Variants in ANKRD28 observed in about 807,000 individuals in gnomAD.
ANKRD28 encodes ankyrin repeat domain 28.
In ANKRD28, 44 loss-of-function variants were observed where a neutral mutation model predicts 126.5. The ratio of observed to expected loss-of-function variants is 0.35; its 90% CI spans 0.27 to 0.45. The LOEUF (loss-of-function observed/expected upper bound fraction) is 0.45, where lower values mean the gene tolerates loss of function less well. Ranked by LOEUF, ANKRD28 falls within the 20% of genes least tolerant of loss-of-function variation. ANKRD28 has a pLI of 1.00. For missense variants in ANKRD28, 1,110 were observed against 1,316.6 expected (o/e 0.84, Z 2.43); for synonymous variants, 442 against 468.5 (o/e 0.94, Z 0.73).
At chr3:15,856,739 T>A (rs1357771190) in intron 1 of ANKRD28, among the ~76,000 whole-genome samples, 1 of 152,228 alleles carries the variant, frequency 6.6e-6, no homozygotes, top group African/African-American at 2.4e-5. Flanking sequence ...CAAATTGCTT[T>A]ACTTACTGAT....
intron 6 of ANKRD28, among the ~76,000 whole-genome samples, chr3:15,731,314 GT>G (rs200925654): frequency 0.016 from 2,504 of 152,258 alleles, 62 homozygotes; most frequent in African/African-American, 0.057. Flanking sequence ...GAAAACAGTT[GT>G]TTAGTCAAGC....
chr3:15,698,775 T>A (rs2070075502), intron 14 of ANKRD28, among the ~76,000 whole-genome samples: 1 of 152,166 alleles, frequency 6.6e-6, no homozygotes, highest in Admixed American at 6.5e-5. Context: ...TCCATGCTCA[T>A]GGACAGGAAG....
Position 15,731,884 on chromosome 3 carries a change from G to GGT in ANKRD28, c.640+3524_640+3525dup, listed in dbSNP as rs1553610862. ...AAAAAAAAAAAAAAAAGGGGGGGGG[G>GGT]GTGTGTGGGGAGGGGACATTTGAAA... On this transcript the variant is annotated intron_variant, in intron 6 of 27. Transcript: ENST00000683139. 109 of 109,140 alleles carry GGT rather than the reference G, an allele frequency of 1.0e-3. 2 individuals are homozygous for GGT. Among genetic ancestry groups the GGT allele is most frequent in the African/African-American group, 4.3e-3 (97 of 22,414 alleles). The allele number at this position is 109,140 out of a possible 1,614,324, so 6.8% of individuals were successfully genotyped here. A position where few individuals can be genotyped will look rare whatever the true frequency, so the allele number is the denominator to read the frequency against.
At chr3:15,850,651 T>C (rs993821542) in intron 1 of ANKRD28, among the ~76,000 whole-genome samples, 3 of 152,230 alleles carry the variant, frequency 2.0e-5, no homozygotes, top group Non-Finnish European at 4.4e-5. Flanking sequence ...CGGAGATTCC[T>C]GGACAGTGGC....
rs760768409 is a variant in ANKRD28 at position 15,830,536 on chromosome 3, G to C, written c.27+28841C>G. On this transcript the variant is annotated intron_variant, in intron 1 of 27. Transcript: ENST00000399451. This position sits in a 1 kb window ranked among gnomAD's most constrained non-coding sequence, Gnocchi z 4.5. ...TACAACACTCTAACTAATGCCTGAT[G>C]ATCTGAGGTGGAACAGTTTCATCTC... 2.0e-5 allele frequency among the ~76,000 whole-genome samples: 3 copies of C among 152,120 alleles called. No homozygotes were observed. The highest frequency in any genetic ancestry group is 4.4e-5 in the Non-Finnish European group (3 of 68,026).
chr3:15,788,297 T>G (rs978700723), intron 2 of ANKRD28, among the ~76,000 whole-genome samples: 4 of 152,162 alleles, frequency 2.6e-5, no homozygotes, highest in African/African-American at 9.7e-5. Context: ...ATAACTATTT[T>G]AGAGAGAAAC....
upstream of ANKRD28, among the ~76,000 whole-genome samples, chr3:15,802,687 G>A (rs1238589835): frequency 6.6e-6 from 1 of 152,182 alleles, no homozygotes; most frequent in African/African-American, 2.4e-5. Flanking sequence ...TCAGAGGAGA[G>A]AGAAAGAGAT....
At chr3:15,711,091 A>T in intron 12 of ANKRD28, 120 bp downstream of exon 12, 1 of 824,296 alleles carries the variant, frequency 1.2e-6, no homozygotes, top group South Asian at 2.2e-5. Flanking sequence ...TTCCCAAACA[A>T]CTCCTGTTTT....
chr3:15,782,845 T>C (rs2059598652), intron 2 of ANKRD28, among the ~76,000 whole-genome samples: 1 of 152,120 alleles, frequency 6.6e-6, no homozygotes, highest in Non-Finnish European at 1.5e-5. Context: ...TTTCTCTTCA[T>C]TCTCTTAGAA....
At chr3:15,743,537 G>T (rs1181487634) in intron 4 of ANKRD28, among the ~76,000 whole-genome samples, 1 of 142,982 alleles carries the variant, frequency 7.0e-6, no homozygotes, top group Non-Finnish European at 1.5e-5. Flanking sequence ...AGTGCAGTGT[G>T]GCTTTTTAAC....
chr3:15,797,545 T>A lies in ANKRD28; in HGVS notation c.-1024A>T. 1.0e-6 allele frequency: 1 copy of A among 984,990 alleles called. No individual in the cohort carries two copies. Among genetic ancestry groups the A allele is most frequent in the Non-Finnish European group, 1.2e-6 (1 of 829,904 alleles). The allele number at this position is 984,990 out of a possible 1,614,324, so 61.0% of individuals were successfully genotyped here. ...TTGAGCTCAAATTACTGCTTCAGGC[T>A]TTTTGTTTTCTTTAAAAAAAAAAAG... On this transcript the variant is annotated 5_prime_UTR_variant, in exon 1 of 28. The change creates a new upstream start codon in the 5' untranslated region. Coordinates refer to ENST00000683139, the MANE Select transcript of ANKRD28 (RefSeq NM_001349278.2).
chr3:15,693,206 C>T (rs13324504), intron 17 of ANKRD28, among the ~76,000 whole-genome samples: 6,283 of 152,198 alleles, frequency 0.041, 420 homozygotes, highest in African/African-American at 0.14. Context: ...ATACTTAACA[C>T]TGCTGAACTG....
At chr3:15,714,389 G>A (rs536620340) in intron 9 of ANKRD28, among the ~76,000 whole-genome samples, 189 bp downstream of exon 9, 32 of 151,790 alleles carry the variant, frequency 2.1e-4, no homozygotes, top group Admixed American at 5.9e-4. Flanking sequence ...AAAAACAAAA[G>A]TATGAAAGAT....
chr3:15,756,335 T>C (rs1463302424), intron 3 of ANKRD28: 1 of 214,714 alleles, frequency 4.7e-6, no homozygotes, highest in Non-Finnish European at 8.0e-6. Flanking sequence ...TCTCACCCAA[T>C]CTTTACACGT....
intron 2 of ANKRD28, among the ~76,000 whole-genome samples, chr3:15,789,259 C>A (rs543903431): frequency 2.2e-4 from 33 of 152,074 alleles, no homozygotes; most frequent in Non-Finnish European, 4.1e-4. Context: ...TCAATAAAGT[C>A]CACTGAAGCC....
intron 2 of ANKRD28, among the ~76,000 whole-genome samples, chr3:15,793,282 C>T (rs1348429915): frequency 6.6e-6 from 1 of 152,042 alleles, no homozygotes; most frequent in East Asian, 1.9e-4. Context: ...CAAATAATGG[C>T]CAAAAAGTTA....
intron 21 of ANKRD28, among the ~76,000 whole-genome samples, chr3:15,683,133 T>A (rs1390867693): frequency 6.6e-6 from 1 of 152,194 alleles, no homozygotes; most frequent in African/African-American, 2.4e-5. Flanking sequence ...AACTAAATGC[T>A]CTTCCTGAGG....
At chr3:15,686,523 C>T in intron 18 of ANKRD28, 1 of 563,912 alleles carries the variant, frequency 1.8e-6, no homozygotes. Context: ...ACATGACAGG[C>T]AGACCGCCTA....
At chr3:15,704,441 A>C (rs1400425086) in intron 14 of ANKRD28, among the ~76,000 whole-genome samples, 1 of 152,190 alleles carries the variant, frequency 6.6e-6, no homozygotes, top group East Asian at 1.9e-4. Context: ...TCCAAAGTAT[A>C]AACAACAACT....
Sources: allele counts gnomAD v4.1 joint callset (sites outside exome capture counted in the v4.1 genomes callset), GRCh38; gene constraint gnomAD v4.1.1; non-coding constraint Gnocchi (gnomAD v3.1); transcripts MANE v1.5; gene names NCBI Gene and HGNC (gene_info 2026-07-23, HGNC 2026-07-21).